Variants in DIP2C observed in about 807,000 individuals in gnomAD.
DIP2C encodes the protein disco-interacting protein 2 homolog C.
DIP2C carries 33 observed loss-of-function variants against 192.4 expected under a neutral mutation model. The observed-to-expected ratio is 0.17, with a 90% CI of 0.13 to 0.23. The LOEUF (loss-of-function observed/expected upper bound fraction) is 0.23, where lower values mean the gene tolerates loss of function less well. Among genes scored for constraint, DIP2C ranks in the 10% least tolerant of loss-of-function variants. The pLI, the probability that DIP2C is intolerant of heterozygous loss-of-function variation, is 1.00. For synonymous variants in DIP2C, 979 were observed against 864.1 expected (o/e 1.13, Z -2.33); for missense variants, 1,537 against 2,110.1 (o/e 0.73, Z 5.32).
intron 1 of DIP2C, among the ~76,000 whole-genome samples, chr10:559,585 A>G (rs2794954): frequency 0.32 from 49,331 of 152,050 alleles, 12,390 homozygotes; most frequent in African/African-American, 0.71. Context: ...TGGTGTCTGG[A>G]GAAAGCAGGA....
At chr10:557,102 G>T (rs903199881) in intron 1 of DIP2C, among the ~76,000 whole-genome samples, 1 of 152,206 alleles carries the variant, frequency 6.6e-6, no homozygotes, top group African/African-American at 2.4e-5. Context: ...CCAGGAGACC[G>T]GCCACCTTGA....
intron 1 of DIP2C, among the ~76,000 whole-genome samples, chr10:494,183 CT>C (rs1236761323): frequency 2.6e-5 from 4 of 152,208 alleles, no homozygotes; most frequent in Non-Finnish European, 5.9e-5. Flanking sequence ...AACAAGAGAA[CT>C]GCTAAGGCTA....
At chr10:523,652 G>A (rs1038932270) in intron 1 of DIP2C, among the ~76,000 whole-genome samples, 37 of 140,570 alleles carry the variant, frequency 2.6e-4, no homozygotes, top group African/African-American at 6.9e-4. Context: ...CGTTTCTACC[G>A]GATGCAAAGG....
chr10:571,261 A>G lies in DIP2C; in HGVS notation c.86-84731T>C, dbSNP rs552449123. On this transcript the variant is annotated intron_variant, in intron 1 of 36. Transcript: ENST00000280886. ...TGGCTGTGCGGACGACCTCTTCGGG[A>G]TAACGTCGACCACATCTCAGGTCAG... Among the ~76,000 whole-genome samples, 186 of 152,352 alleles carry G rather than the reference A, an allele frequency of 1.2e-3. 1 individual carries two copies. Among genetic ancestry groups the G allele is most frequent in the Non-Finnish European group, 1.8e-3 (121 of 68,024 alleles).
chr10:576,959 A>C (rs1268734938), intron 1 of DIP2C, among the ~76,000 whole-genome samples: 2 of 152,186 alleles, frequency 1.3e-5, no homozygotes, highest in African/African-American at 2.4e-5. Context: ...ACTAATTGCC[A>C]AGGTCCACAT....
At chr10:624,694 G>A (rs1854086243) in intron 1 of DIP2C, among the ~76,000 whole-genome samples, 1 of 152,196 alleles carries the variant, frequency 6.6e-6, no homozygotes, top group Admixed American at 6.5e-5. Context: ...TGACAAGTAT[G>A]CTGAATATGC....
chr10:622,024 T>C (rs1853881768), intron 1 of DIP2C, among the ~76,000 whole-genome samples: 5 of 151,576 alleles, frequency 3.3e-5, no homozygotes, highest in Non-Finnish European at 7.4e-5. Context: ...GTAAGTCCAA[T>C]AAATACACAA....
intron 1 of DIP2C, among the ~76,000 whole-genome samples, chr10:592,325 G>A (rs889010258): frequency 2.0e-5 from 3 of 152,148 alleles, no homozygotes; most frequent in African/African-American, 7.2e-5. Context: ...CTCCGTAGCA[G>A]CGGATGTTAT....
chr10:644,736 G>A (rs1855367505), intron 1 of DIP2C, among the ~76,000 whole-genome samples: 1 of 152,308 alleles, frequency 6.6e-6, no homozygotes, highest in South Asian at 2.1e-4. Context: ...CCCCACTTCA[G>A]GGAGCCTGGG....
intron 1 of DIP2C, among the ~76,000 whole-genome samples, chr10:552,573 G>C (rs1050044292): frequency 3.3e-5 from 5 of 152,192 alleles, no homozygotes; most frequent in African/African-American, 1.2e-4. Flanking sequence ...ACACCTGGCC[G>C]GGTGCAGTGG....
intron 1 of DIP2C, among the ~76,000 whole-genome samples, chr10:586,694 A>G (rs2131616115): frequency 6.6e-6 from 1 of 152,348 alleles, no homozygotes; most frequent in Non-Finnish European, 1.5e-5. Context: ...CAAGAGCCCC[A>G]ATGACCACAA....
Position 574,965 on chromosome 10 carries a change from C to G in DIP2C, c.86-88435G>C, listed in dbSNP as rs535014859. Among the ~76,000 whole-genome samples, 7 of 152,266 alleles carry G rather than the reference C, an allele frequency of 4.6e-5. No individual in the cohort carries two copies. In the South Asian group the frequency reaches 1.5e-3, roughly 32 times the overall value. On this transcript the variant is annotated intron_variant, in intron 1 of 36. Coordinates refer to ENST00000280886, the MANE Select transcript of DIP2C (RefSeq NM_014974.3). Reference sequence around the variant, plus strand: ...CACAGATTCTCAGGTTCACCTTCCACGAGTGACTGCTCTGCCCACGAGACA... The same window carrying G: ...CACAGATTCTCAGGTTCACCTTCCAGGAGTGACTGCTCTGCCCACGAGACA...
chr10:417,934 GCTT>G lies in DIP2C; in HGVS notation c.739+1128_739+1130del, dbSNP rs1965846081. Among the ~76,000 whole-genome samples the G allele has an allele frequency of 3.9e-5, 4 of 102,810 alleles. 1 individual carries two copies. Among genetic ancestry groups the G allele is most frequent in the African/African-American group, 7.7e-5 (2 of 26,128 alleles). 67.4% of individuals were successfully genotyped at this position (102,810 alleles called of 152,430 possible). A position where few individuals can be genotyped will look rare whatever the true frequency, so the allele number is the denominator to read the frequency against. On this transcript the variant is annotated intron_variant, in intron 6 of 36. Coordinates refer to ENST00000280886, the MANE Select transcript of DIP2C (RefSeq NM_014974.3). ...TCCCTGTCCACCTGTTCCTGTCAGGGCTTCGATAGGCCTCCCTGTCCACCTGCA... is the reference window on the plus strand; with the variant it reads ...TCCCTGTCCACCTGTTCCTGTCAGGGCGATAGGCCTCCCTGTCCACCTGCA...
chr10:348,012 C>T (rs112432226), intron 26 of DIP2C, among the ~76,000 whole-genome samples: 2,604 of 117,576 alleles, frequency 0.022, 40 homozygotes, highest in Non-Finnish European at 0.031. Context: ...CTCCCGGAAA[C>T]CCCAGACGCG....
intron 1 of DIP2C, among the ~76,000 whole-genome samples, chr10:618,185 G>C (rs777816676): frequency 2.6e-5 from 4 of 152,204 alleles, no homozygotes; most frequent in Non-Finnish European, 5.9e-5. Flanking sequence ...AAGTTGTAAA[G>C]CCTCATGCAT....
Position 652,251 on chromosome 10 carries a change from C to A in DIP2C, c.85+37243G>T, listed in dbSNP as rs1855972769. ...TCCCCTGCGGGAAAGACCACGCTGG[C>A]TGCTGACCAAACTCCACTGGCATCT... is the stretch of plus-strand genomic sequence containing the variant. On this transcript the variant is annotated intron_variant, in intron 1 of 36. Transcript: ENST00000280886. This position sits in a 1 kb window ranked among gnomAD's most constrained non-coding sequence, Gnocchi z 4.5. The A allele has an allele frequency of 3.7e-5, 7 of 188,384 alleles. No individual in the cohort carries two copies. The South Asian group carries it at 5.3e-4, about 14-fold the overall frequency. 11.7% of individuals were successfully genotyped at this position (188,384 alleles called of 1,614,324 possible).
chr10:358,156 C>T (rs1334630616), intron 22 of DIP2C, among the ~76,000 whole-genome samples: 1 of 152,024 alleles, frequency 6.6e-6, no homozygotes, highest in Non-Finnish European at 1.5e-5. Flanking sequence ...TTTTATCATC[C>T]CTGAAGCTCC....
intron 9 of DIP2C, among the ~76,000 whole-genome samples, chr10:407,802 T>C (rs930045852): frequency 2.0e-5 from 3 of 152,212 alleles, no homozygotes; most frequent in African/African-American, 4.8e-5. Context: ...TGGTGACTTG[T>C]AGGAATTCTT....
At chr10:455,328 CCG>C (rs1333258861) in intron 3 of DIP2C, among the ~76,000 whole-genome samples, 3 of 143,006 alleles carry the variant, frequency 2.1e-5, no homozygotes, top group East Asian at 4.1e-4. Context: ...TGAGGGGAGA[CCG>C]TGAGGAATAA....
Sources: gnomAD v4.1 joint callset for allele counts (sites outside exome capture counted in the v4.1 genomes callset) on GRCh38, gnomAD v4.1.1 for gene constraint, Gnocchi (gnomAD v3.1) non-coding constraint, MANE v1.5 for transcripts, NCBI Gene and HGNC (gene_info 2026-07-23, HGNC 2026-07-21) for gene names.